The following APPL1 variants were observed in gnomAD, a reference collection of about 807,000 sequenced individuals.
APPL1 encodes the protein DCC-interacting protein 13-alpha.
APPL1 carries 42 observed loss-of-function variants against 106.8 expected under a neutral mutation model. The observed-to-expected ratio is 0.39, with a 90% CI of 0.31 to 0.51. The LOEUF (loss-of-function observed/expected upper bound fraction) is 0.51, where lower values mean the gene tolerates loss of function less well. APPL1 is among the 20% of genes least tolerant of loss of function. The pLI, the probability that APPL1 is intolerant of heterozygous loss-of-function variation, is 0.75. For synonymous variants in APPL1, 263 were observed against 281.8 expected (o/e 0.93, Z 0.67); for missense variants, 769 against 858.2 (o/e 0.90, Z 1.30).
chr3:57,261,771 G>A (rs2060867186), intron 19 of APPL1, among the ~76,000 whole-genome samples: 1 of 152,136 alleles, frequency 6.6e-6, no homozygotes. Flanking sequence ...GCCTGCCTCA[G>A]CCTCCCAAAG....
intron 4 of APPL1, among the ~76,000 whole-genome samples, chr3:57,239,452 C>T (rs946242031): frequency 6.6e-6 from 1 of 152,108 alleles, no homozygotes; most frequent in Non-Finnish European, 1.5e-5. Flanking sequence ...TTGTAATATG[C>T]CTCAGTACTT....
intron 20 of APPL1, chr3:57,268,029 G>T: frequency 1.9e-6 from 1 of 539,258 alleles, no homozygotes; most frequent in South Asian, 2.3e-5. Flanking sequence ...GGAGGCGGAG[G>T]TTGCAATGAG....
At chr3:57,240,745 AT>A (rs1285365041) in intron 5 of APPL1, among the ~76,000 whole-genome samples, 193 bp downstream of exon 5, 1 of 152,242 alleles carries the variant, frequency 6.6e-6, no homozygotes, top group Non-Finnish European at 1.5e-5. Context: ...TGGATAAGAT[AT>A]CCCCTCTTTT....
intron 4 of APPL1, chr3:57,238,319 G>A (rs1285894234): frequency 2.0e-6 from 1 of 492,006 alleles, no homozygotes; most frequent in Non-Finnish European, 3.6e-6. Flanking sequence ...TTACAGATGT[G>A]CTTCTTCTAT....
At chr3:57,258,975 A>T in intron 15 of APPL1, 53 bp from the exon 16 acceptor site, 2 of 1,332,542 alleles carry the variant, frequency 1.5e-6, no homozygotes, top group Non-Finnish European at 2.1e-6. Context: ...GATTTCTTCT[A>T]TGTGGCTCAT....
chr3:57,271,930 G>A lies in APPL1; in HGVS notation c.*2243G>A, dbSNP rs1367706775. Reference sequence around the variant, plus strand: ...CTATATGAACTATTCCATTACTGCAGAGATTTAAGTATCTGTTTTAATAAG... The same window carrying A: ...CTATATGAACTATTCCATTACTGCAAAGATTTAAGTATCTGTTTTAATAAG... On this transcript the variant is annotated 3_prime_UTR_variant, in exon 22 of 22. Transcript: ENST00000288266. 1 of 151,664 alleles carries A rather than the reference G, an allele frequency of 6.6e-6. No individual in the cohort carries two copies. The highest frequency in any genetic ancestry group is 2.4e-5 in the African/African-American group (1 of 41,434). The allele number at this position is 151,664 out of a possible 1,614,324, so 9.4% of individuals were successfully genotyped here.
intron 14 of APPL1, 54 bp downstream of exon 14, chr3:57,257,105 T>A (rs2060841201): frequency 5.1e-6 from 8 of 1,584,104 alleles, no homozygotes; most frequent in Non-Finnish European, 6.9e-6. Flanking sequence ...TTAAAGTATC[T>A]GTGATCTGGG....
chr3:57,243,004 C>A, intron 7 of APPL1, 90 bp downstream of exon 7: 1 of 915,566 alleles, frequency 1.1e-6, no homozygotes, highest in Non-Finnish European at 1.7e-6. Flanking sequence ...CCAGCAGTTA[C>A]TTTGTATGTT....
intron 4 of APPL1, 74 bp from the exon 5 acceptor site, chr3:57,240,388 GATT>G: frequency 8.9e-7 from 1 of 1,123,428 alleles, no homozygotes; most frequent in Non-Finnish European, 1.3e-6. Flanking sequence ...ATTTTTACTA[GATT>G]ATGTTTAATT....
chr3:57,251,848 T>C (rs545121927), intron 11 of APPL1, among the ~76,000 whole-genome samples: 2 of 152,276 alleles, frequency 1.3e-5, no homozygotes, highest in Admixed American at 6.5e-5. Context: ...GTGATTAACA[T>C]TGAAATATTT....
In APPL1 at chr3:57,271,236, T is replaced by C. The variant is rs1331628239; in HGVS notation, c.*1549T>C. ...ACTCAGCTGTTTCACACTGTATATG[T>C]ACATTGTTTTCTGTAGGAATAGGAT... On this transcript the variant is annotated 3_prime_UTR_variant, in exon 22 of 22. Coordinates refer to ENST00000288266, the MANE Select transcript of APPL1 (RefSeq NM_012096.3). The C allele has an allele frequency of 6.6e-6, 1 of 152,530 alleles. No individual in the cohort carries two copies. Among genetic ancestry groups the C allele is most frequent in the Non-Finnish European group, 1.5e-5 (1 of 68,000 alleles). 9.4% of individuals were successfully genotyped at this position (152,530 alleles called of 1,614,324 possible). A position where few individuals can be genotyped will look rare whatever the true frequency, so the allele number is the denominator to read the frequency against.
At position 57,242,039 on chromosome 3, in the gene APPL1, G is replaced by A; in HGVS notation, c.374-62G>A. On this transcript the variant is annotated intron_variant, in intron 5 of 21. Transcript: ENST00000288266. ...AATTATAGTTTAAGTAGCAGTTATTGTTTTCCAAACAAATGTATTTCATAA... is the reference window on the plus strand; with the variant it reads ...AATTATAGTTTAAGTAGCAGTTATTATTTTCCAAACAAATGTATTTCATAA... 2.5e-6 allele frequency: 3 copies of A among 1,221,926 alleles called. No homozygotes were observed. In the South Asian group the frequency reaches 4.1e-5, roughly 17 times the overall value. 75.7% of individuals were successfully genotyped at this position (1,221,926 alleles called of 1,614,324 possible). A position where few individuals can be genotyped will look rare whatever the true frequency, so the allele number is the denominator to read the frequency against.
intron 2 of APPL1, among the ~76,000 whole-genome samples, chr3:57,236,299 C>T (rs1240556924): frequency 6.7e-6 from 1 of 150,180 alleles, no homozygotes; most frequent in Non-Finnish European, 1.5e-5. Context: ...CCGCCTTGGC[C>T]TCCCAAAGTG....
intron 4 of APPL1, among the ~76,000 whole-genome samples, chr3:57,239,698 C>A (rs966745440): frequency 1.3e-5 from 2 of 152,136 alleles, no homozygotes; most frequent in Non-Finnish European, 2.9e-5. Flanking sequence ...AATGGGATTG[C>A]TGGATCATTG....
At position 57,260,619 on chromosome 3, in the gene APPL1, C is replaced by A. The variant is rs1185009788; in HGVS notation, c.1696-9C>A. 6.3e-7 allele frequency: 1 copy of A among 1,599,504 alleles called. No individual in the cohort carries two copies. The highest frequency in any genetic ancestry group is 1.7e-5 in the Admixed American group (1 of 59,388). On this transcript the variant is annotated splice_polypyrimidine_tract_variant and intron_variant, in intron 18 of 21. Coordinates refer to ENST00000288266, the MANE Select transcript of APPL1 (RefSeq NM_012096.3). ...ATCTCATGTTTGCTTCTGATGTTTT[C>A]TGTGGCAGTTTCCATTACCTTGTGT...
intron 1 of APPL1, among the ~76,000 whole-genome samples, chr3:57,234,817 G>A (rs1319110155): frequency 6.6e-6 from 1 of 150,802 alleles, no homozygotes; most frequent in African/African-American, 2.4e-5. Flanking sequence ...CACCACACCC[G>A]GCTAATTTTT....
chr3:57,237,675 G>C, intron 3 of APPL1, 124 bp downstream of exon 3: 1 of 633,836 alleles, frequency 1.6e-6, no homozygotes, highest in Non-Finnish European at 2.7e-6. Context: ...TTTCATGATA[G>C]CACTTATGTT....
intron 19 of APPL1, among the ~76,000 whole-genome samples, chr3:57,263,559 G>A (rs58446453): frequency 0.17 from 25,834 of 151,894 alleles, 2,446 homozygotes; most frequent in African/African-American, 0.21. Context: ...TGACCTCCAT[G>A]TTCCATATAT....
At chr3:57,233,492 A>C (rs1396856753) in intron 1 of APPL1, among the ~76,000 whole-genome samples, 1 of 151,840 alleles carries the variant, frequency 6.6e-6, no homozygotes, top group Non-Finnish European at 1.5e-5. Context: ...TTTAGAAAAA[A>C]AAAAAACAAA....
Sources: allele counts gnomAD v4.1 joint callset (sites outside exome capture counted in the v4.1 genomes callset), GRCh38; gene constraint gnomAD v4.1.1; transcripts MANE v1.5; gene names NCBI Gene and HGNC (gene_info 2026-07-23, HGNC 2026-07-21).